Variants in DCDC1 observed in about 807,000 individuals in gnomAD.
The protein encoded by DCDC1 is doublecortin domain containing 1.
A neutral mutation model predicts 178.3 loss-of-function variants in DCDC1; 200 were observed. The observed-to-expected ratio is 1.12, with a 90% CI of 1.00 to 1.26. The LOEUF (loss-of-function observed/expected upper bound fraction) is 1.26. Ranked by LOEUF, DCDC1 falls within the 50% of genes most tolerant of loss-of-function variation. The probability of loss-of-function intolerance (pLI) is 0.00; values close to 1 mark genes in which losing one functional copy is unlikely to be tolerated. For missense variants in DCDC1, 1,983 were observed against 1,749.2 expected, an observed-to-expected ratio of 1.13 and a Z score of -2.38; for synonymous variants, 690 against 604.8, an observed-to-expected ratio of 1.14 and a Z score of -2.07.
At chr11:30,953,665 T>A (rs918862786) in intron 20 of DCDC1, among the ~76,000 whole-genome samples, 1 of 152,184 alleles carries the variant, frequency 6.6e-6, no homozygotes, top group African/African-American at 2.4e-5. Flanking sequence ...GAAGTGTTTT[T>A]CAGTTTGGCA....
chr11:31,137,646 C>T (rs1002697087), intron 10 of DCDC1, 46 bp downstream of exon 10: 2 of 696,308 alleles, frequency 2.9e-6, no homozygotes, highest in Admixed American at 2.0e-5. Context: ...CTGTGCCTGG[C>T]CCTCATTGCA....
At chr11:31,098,409 A>G (rs946848528) in intron 15 of DCDC1, among the ~76,000 whole-genome samples, 11 of 152,200 alleles carry the variant, frequency 7.2e-5, no homozygotes, top group Non-Finnish European at 1.5e-4. Flanking sequence ...AGAGAGCAAC[A>G]GGTTGTAATT....
intron 9 of DCDC1, among the ~76,000 whole-genome samples, chr11:31,173,564 T>C (rs980852480): frequency 1.6e-4 from 25 of 152,284 alleles, no homozygotes; most frequent in East Asian, 3.9e-4. Context: ...TGGAGAATGA[T>C]AGACCACTAA....
At chr11:31,172,743 G>A (rs918006782) in intron 9 of DCDC1, among the ~76,000 whole-genome samples, 2 of 152,062 alleles carry the variant, frequency 1.3e-5, no homozygotes, top group African/African-American at 2.4e-5. Flanking sequence ...TTATTCAGTG[G>A]AAGTGGATCA....
At chr11:31,094,411 T>C (rs2135688191) in intron 15 of DCDC1, among the ~76,000 whole-genome samples, 1 of 152,236 alleles carries the variant, frequency 6.6e-6, no homozygotes, top group East Asian at 1.9e-4. Flanking sequence ...TATAAAATAT[T>C]TTTTCCTGAC....
At chr11:31,204,799 G>A (rs942296260) in intron 9 of DCDC1, among the ~76,000 whole-genome samples, 1 of 152,174 alleles carries the variant, frequency 6.6e-6, no homozygotes, top group Non-Finnish European at 1.5e-5. Flanking sequence ...TCTAGCCTGG[G>A]CAACACAGCA....
chr11:31,033,740 C>G (rs1314142839), intron 20 of DCDC1, among the ~76,000 whole-genome samples: 2 of 152,154 alleles, frequency 1.3e-5, no homozygotes, highest in Admixed American at 1.3e-4. Context: ...CATAATTGAG[C>G]TGAAAAATTC....
At chr11:31,056,724 G>A (rs1156725917) in intron 20 of DCDC1, among the ~76,000 whole-genome samples, 1 of 151,986 alleles carries the variant, frequency 6.6e-6, no homozygotes, top group East Asian at 1.9e-4. Flanking sequence ...CAATTTAGTG[G>A]GGAATTTTTA....
chr11:31,119,310 A>G (rs1960455968), intron 11 of DCDC1, among the ~76,000 whole-genome samples: 1 of 152,174 alleles, frequency 6.6e-6, no homozygotes, highest in Non-Finnish European at 1.5e-5. Flanking sequence ...GAATATTCCA[A>G]TTTTGCTACT....
At chr11:31,340,157 G>A (rs908406066) in intron 1 of DCDC1, among the ~76,000 whole-genome samples, 1 of 151,846 alleles carries the variant, frequency 6.6e-6, no homozygotes, top group Non-Finnish European at 1.5e-5. Context: ...TGATACACGG[G>A]GCCTTTTTGC....
At chr11:30,936,367 G>C (rs1947278789) in intron 21 of DCDC1, among the ~76,000 whole-genome samples, 1 of 152,146 alleles carries the variant, frequency 6.6e-6, no homozygotes, top group South Asian at 2.1e-4. Flanking sequence ...TAGTTTCTAT[G>C]ATTAGTTTGG....
intron 38 of DCDC1, among the ~76,000 whole-genome samples, chr11:30,873,672 A>T (rs559342571): frequency 6.6e-6 from 1 of 152,276 alleles, no homozygotes; most frequent in South Asian, 2.1e-4. Context: ...CAGAAAAGAG[A>T]TGTTCAAGTA....
At chr11:30,924,848 G>C (rs1381467455) in intron 23 of DCDC1, among the ~76,000 whole-genome samples, 1 of 152,072 alleles carries the variant, frequency 6.6e-6, no homozygotes, top group Non-Finnish European at 1.5e-5. Flanking sequence ...TGAGGCAGGT[G>C]GATCACCTGA....
chr11:30,998,425 T>C (rs1951391323), intron 20 of DCDC1, among the ~76,000 whole-genome samples: 1 of 152,060 alleles, frequency 6.6e-6, no homozygotes, highest in African/African-American at 2.4e-5. Context: ...TAAATAATGA[T>C]AGTATTAAAT....
Position 30,892,577 on chromosome 11 carries a change from C to T in DCDC1, c.5082+241G>A, listed in dbSNP as rs372246693. On this transcript the variant is annotated intron_variant, in intron 36 of 38. Transcript: ENST00000684477. Reference sequence around the variant, plus strand: ...AGGAGTGGGTTGAACTGGCACTGTTCTCTGCTGGACAAGTTGCCTATTCAG... The same window carrying T: ...AGGAGTGGGTTGAACTGGCACTGTTTTCTGCTGGACAAGTTGCCTATTCAG... Among the ~76,000 whole-genome samples, 3 of 152,254 alleles carry T rather than the reference C, an allele frequency of 2.0e-5. No homozygotes were observed. The East Asian group carries it at 5.8e-4, about 29-fold the overall frequency.
chr11:31,199,259 A>C (rs1971030977), intron 9 of DCDC1, among the ~76,000 whole-genome samples: 1 of 152,084 alleles, frequency 6.6e-6, no homozygotes, highest in African/African-American at 2.4e-5. Context: ...AACATCCAGA[A>C]AGCATGTCAC....
chr11:31,342,194 G>C (rs962305719), intron 1 of DCDC1, among the ~76,000 whole-genome samples: 1 of 152,168 alleles, frequency 6.6e-6, no homozygotes, highest in African/African-American at 2.4e-5. Flanking sequence ...GAAGCTCAAA[G>C]ATTATGAGAC....
At chr11:30,873,670 A>T (rs1300733890) in intron 38 of DCDC1, among the ~76,000 whole-genome samples, 17 of 152,170 alleles carry the variant, frequency 1.1e-4, no homozygotes, top group Admixed American at 1.1e-3. Context: ...AACAGAAAAG[A>T]GATGTTCAAG....
At chr11:31,198,628 C>A (rs959837810) in intron 9 of DCDC1, among the ~76,000 whole-genome samples, 3 of 152,054 alleles carry the variant, frequency 2.0e-5, no homozygotes, top group African/African-American at 7.2e-5. Context: ...CCTTGGCCTC[C>A]TCTTTACTTT....
Sources: gnomAD v4.1 joint callset for allele counts (sites outside exome capture counted in the v4.1 genomes callset) on GRCh38, gnomAD v4.1.1 for gene constraint, MANE v1.5 for transcripts, NCBI Gene and HGNC (gene_info 2026-07-23, HGNC 2026-07-21) for gene names.